ST18: variants seen among roughly 807,000 people sequenced by gnomAD.
ST18 encodes the protein ST18 C2H2C-type zinc finger transcription factor.
Under a neutral mutation model 110.0 loss-of-function variants are expected in ST18, and 50 were observed. The observed-to-expected ratio is 0.45, with a 90% CI of 0.36 to 0.58. The LOEUF is 0.58. Ranked by LOEUF, ST18 falls within the 20% of genes least tolerant of loss-of-function variation. The pLI is 0.00. For synonymous variants in ST18, 461 were observed against 452.4 expected (o/e 1.02, Z -0.24); for missense variants, 1,306 against 1,280.1 (o/e 1.02, Z -0.31).
intron 2 of ST18, among the ~76,000 whole-genome samples, chr8:52,389,605 G>T (rs192425905): frequency 1.3e-5 from 2 of 152,266 alleles, no homozygotes; most frequent in Admixed American, 1.3e-4. Flanking sequence ...TCGTCACCTG[G>T]GAAGCGCAGA....
At chr8:52,310,208 A>G (rs766123449) in intron 2 of ST18, among the ~76,000 whole-genome samples, 47 of 152,266 alleles carry the variant, frequency 3.1e-4, no homozygotes, top group Non-Finnish European at 6.0e-4. Flanking sequence ...TGGCCCGGCA[A>G]TTATGAATCT....
intron 8 of ST18, among the ~76,000 whole-genome samples, chr8:52,200,860 A>G (rs1207682927): frequency 6.6e-6 from 1 of 152,224 alleles, no homozygotes; most frequent in African/African-American, 2.4e-5. Flanking sequence ...GGGTATATCA[A>G]TTCATGGCAG....
intron 5 of ST18, among the ~76,000 whole-genome samples, chr8:52,218,512 C>T (rs1303674432): frequency 2.7e-5 from 4 of 150,628 alleles, no homozygotes; most frequent in Admixed American, 1.3e-4. Flanking sequence ...CTCAGCTTCC[C>T]GAGTAGCTGG....
intron 2 of ST18, among the ~76,000 whole-genome samples, chr8:52,300,976 C>T (rs1463937800): frequency 6.6e-6 from 1 of 152,172 alleles, no homozygotes; most frequent in Non-Finnish European, 1.5e-5. Flanking sequence ...AGATTTTAAA[C>T]ATTACAACTT....
chr8:52,334,875 G>A (rs942285842), intron 2 of ST18, among the ~76,000 whole-genome samples: 5 of 152,078 alleles, frequency 3.3e-5, no homozygotes, highest in African/African-American at 1.2e-4. Flanking sequence ...CCCGCATGCC[G>A]ACCTGCAGAG....
intron 2 of ST18, among the ~76,000 whole-genome samples, chr8:52,370,382 A>ATGTGTGCG (rs1829826465): frequency 6.7e-6 from 1 of 150,202 alleles, no homozygotes; most frequent in South Asian, 2.1e-4. Context: ...GCATGCATGC[A>ATGTGTGCG]TGTGTGCGTG....
chr8:52,114,301 C>G (rs1018335481), intron 25 of ST18, among the ~76,000 whole-genome samples: 4 of 152,020 alleles, frequency 2.6e-5, no homozygotes, highest in African/African-American at 9.7e-5. Context: ...TTGGTCTCTC[C>G]TTTACCCAGT....
chr8:52,218,265 A>G (rs938862973), intron 5 of ST18, among the ~76,000 whole-genome samples: 4 of 152,028 alleles, frequency 2.6e-5, no homozygotes, highest in African/African-American at 9.7e-5. Context: ...CTTCTTAATA[A>G]TTGCAGAAAA....
intron 2 of ST18, among the ~76,000 whole-genome samples, chr8:52,268,157 C>T (rs1327280939): frequency 6.6e-6 from 1 of 152,198 alleles, no homozygotes; most frequent in Non-Finnish European, 1.5e-5. Context: ...AATGAATCCT[C>T]ATCCTTCTTT....
At position 52,409,733 on chromosome 8, in the gene ST18, C is replaced by T. The variant is rs768791046; in HGVS notation, c.-775G>A. 2.0e-5 allele frequency: 3 copies of T among 152,282 alleles called. No individual in the cohort carries two copies. The highest frequency in any genetic ancestry group is 1.9e-4 in the East Asian group (1 of 5,196). The allele number at this position is 152,282 out of a possible 1,614,324, so 9.4% of individuals were successfully genotyped here. A position where few individuals can be genotyped will look rare whatever the true frequency, so the allele number is the denominator to read the frequency against. On this transcript the variant is annotated 5_prime_UTR_variant, in exon 1 of 26. Transcript: ENST00000689386. ...CAGTTAAAAACATCCTGCCCTTCTC[C>T]CTACAAAAAGGTTCCATAGAATCAG...
At chr8:52,294,888 A>AG (rs2095608305) in intron 2 of ST18, among the ~76,000 whole-genome samples, 2 of 152,244 alleles carry the variant, frequency 1.3e-5, no homozygotes, top group Non-Finnish European at 2.9e-5. Flanking sequence ...GTATTGCTGC[A>AG]GGAGCCATGC....
At chr8:52,311,540 C>T (rs1474401908) in intron 2 of ST18, among the ~76,000 whole-genome samples, 1 of 152,172 alleles carries the variant, frequency 6.6e-6, no homozygotes, top group African/African-American at 2.4e-5. Flanking sequence ...TATAACGATA[C>T]TACCAGAGAC....
intron 2 of ST18, among the ~76,000 whole-genome samples, chr8:52,309,629 ATTAT>A (rs1252151930): frequency 1.3e-5 from 2 of 151,872 alleles, no homozygotes; most frequent in Admixed American, 6.6e-5. Flanking sequence ...AAGCAGTGAG[ATTAT>A]TTAAACAATA....
chr8:52,276,477 G>A (rs1022069871), intron 2 of ST18, among the ~76,000 whole-genome samples: 7 of 151,996 alleles, frequency 4.6e-5, no homozygotes, highest in Middle Eastern at 3.4e-3. Context: ...CCAAAAAAAG[G>A]AAAGTTATTT....
intron 2 of ST18, among the ~76,000 whole-genome samples, chr8:52,295,583 A>G (rs1469294368): frequency 2.0e-5 from 3 of 152,038 alleles, no homozygotes; most frequent in African/African-American, 7.2e-5. Flanking sequence ...TCTCTCTGAC[A>G]TATCTCTGAC....
intron 3 of ST18, among the ~76,000 whole-genome samples, chr8:52,227,842 AG>A (rs1447368453): frequency 1.3e-5 from 2 of 152,168 alleles, no homozygotes; most frequent in Non-Finnish European, 2.9e-5. Flanking sequence ...TAGCTTGTCC[AG>A]GTCCAGTTTC....
At chr8:52,341,408 G>T (rs1814953885) in intron 2 of ST18, among the ~76,000 whole-genome samples, 2 of 152,168 alleles carry the variant, frequency 1.3e-5, no homozygotes, top group Admixed American at 1.3e-4. Flanking sequence ...GACCTTTTCT[G>T]CACATCTATT....
chr8:52,185,462 A>T (rs2071686377), intron 8 of ST18, among the ~76,000 whole-genome samples: 1 of 152,218 alleles, frequency 6.6e-6, no homozygotes, highest in African/African-American at 2.4e-5. Context: ...CAAGAAGAGC[A>T]AAGACAATGT....
chr8:52,384,514 TACAA>T (rs753704703), intron 2 of ST18, among the ~76,000 whole-genome samples: 8 of 151,894 alleles, frequency 5.3e-5, no homozygotes, highest in Non-Finnish European at 1.0e-4. Context: ...CACACACTCA[TACAA>T]ACACATATTC....
Sources: gnomAD v4.1 joint callset for allele counts (sites outside exome capture counted in the v4.1 genomes callset) on GRCh38, gnomAD v4.1.1 for gene constraint, MANE v1.5 for transcripts, NCBI Gene and HGNC (gene_info 2026-07-23, HGNC 2026-07-21) for gene names.